PCDHA10: variants seen among roughly 807,000 people sequenced by gnomAD.
The protein encoded by PCDHA10 is protocadherin alpha-10.
A neutral mutation model predicts 61.2 loss-of-function variants in PCDHA10; 45 were observed. The observed-to-expected ratio is 0.74, with a 90% CI of 0.58 to 0.94. PCDHA10 has a LOEUF of 0.94. Ranked by LOEUF, PCDHA10 falls within the 40% of genes least tolerant of loss-of-function variation. PCDHA10 has a pLI of 0.00. For missense variants in PCDHA10, 1,278 were observed against 1,236.2 expected (o/e 1.03, Z -0.51); for synonymous variants, 602 against 548.8 (o/e 1.10, Z -1.35).
Position 141,010,029 on chromosome 5 carries a change from A to G in PCDHA10, c.*92A>G, listed in dbSNP as rs2098415771. 1.1e-5 allele frequency: 17 copies of G among 1,580,452 alleles called. No individual in the cohort carries two copies. In the Admixed American group the frequency reaches 3.1e-4, roughly 29 times the overall value. On this transcript the variant is annotated 3_prime_UTR_variant, in exon 4 of 4. Coordinates refer to ENST00000307360, the MANE Select transcript of PCDHA10 (RefSeq NM_018901.4). ...AATTCCCTGCTCCTTTTTCCTATCT[A>G]CATGAGCCCTCTTAGAGACCTCAGA...
At chr5:140,880,403 T>C (rs1474959731) in intron 1 of PCDHA10, among the ~76,000 whole-genome samples, 1 of 152,186 alleles carries the variant, frequency 6.6e-6, no homozygotes, top group Non-Finnish European at 1.5e-5. Flanking sequence ...GAGCATATGG[T>C]TGACCTTAAA....
At chr5:140,898,471 C>G (rs1421437999) in intron 1 of PCDHA10, among the ~76,000 whole-genome samples, 1 of 152,108 alleles carries the variant, frequency 6.6e-6, no homozygotes, top group African/African-American at 2.4e-5. Flanking sequence ...GCTTGTTTTT[C>G]TCAGGTTTGT....
chr5:140,858,366 G>C lies in PCDHA10; in HGVS notation c.2318G>C (p.Ser773Thr). The part of the protein sequence containing the change: ...PKADLMAFSP[S>T]LPPCPMVDVD... ...GCGGACCTCATGGCCTTCAGCCCCA[G>C]CCTTCCACCATGCCCAATGGTAGAT... The change falls in exon 1 of 4, where the codon AGC becomes ACC. Residue 773 changes from serine to threonine, a missense_variant. Ser to Thr is a moderately conservative substitution (Grantham distance 58). Transcript: ENST00000307360. 1 of 1,590,950 alleles carries C rather than the reference G, an allele frequency of 6.3e-7. No individual in the cohort carries two copies. Among genetic ancestry groups the C allele is most frequent in the Admixed American group, 1.7e-5 (1 of 58,010 alleles).
rs542536806 is a variant in PCDHA10, at chr5:140,896,054, G to T, written c.2388+37618G>T. Among the ~76,000 whole-genome samples the T allele has an allele frequency of 4.6e-5, 7 of 151,966 alleles. 1 individual carries two copies. In the East Asian group the frequency reaches 1.4e-3, roughly 30 times the overall value. On this transcript the variant is annotated intron_variant, in intron 1 of 3. Transcript: ENST00000307360. ...TCGAACTCCTGACCTCAGGTGATCC[G>T]CCTGCCTCGGCCTCCCAACATGCTG...
At chr5:140,919,823 T>C (rs1554199267) in intron 1 of PCDHA10, among the ~76,000 whole-genome samples, 1 of 152,222 alleles carries the variant, frequency 6.6e-6, no homozygotes, top group Non-Finnish European at 1.5e-5. Flanking sequence ...AAAATATATG[T>C]CCACATAGTA....
Position 140,922,401 on chromosome 5 carries a change from A to T in PCDHA10, c.2389-56548A>T, listed in dbSNP as rs1290862669. On this transcript the variant is annotated intron_variant, in intron 1 of 3. Transcript: ENST00000307360. ...AACCAAAGACTCCTTGTTTTGGATT[A>T]AAAAGATCTAGGTACAGAGGCTGAG... 2.6e-5 allele frequency among the ~76,000 whole-genome samples: 4 copies of T among 152,234 alleles called. No individual in the cohort carries two copies. In the East Asian group the frequency reaches 7.7e-4, roughly 29 times the overall value.
chr5:141,008,022 T>C (rs1355928123), intron 3 of PCDHA10, among the ~76,000 whole-genome samples: 3 of 152,226 alleles, frequency 2.0e-5, no homozygotes, highest in Non-Finnish European at 4.4e-5. Context: ...TCCTTTTTTT[T>C]CTTGTTAATC....
chr5:141,007,679 T>A (rs1362984196), intron 3 of PCDHA10, among the ~76,000 whole-genome samples: 2 of 152,186 alleles, frequency 1.3e-5, no homozygotes, highest in Admixed American at 6.5e-5. Context: ...ACAAAAGTTA[T>A]CCTACTTCCA....
chr5:140,967,800 TGGCA>T, intron 1 of PCDHA10: 1 of 1,614,174 alleles, frequency 6.2e-7, no homozygotes, highest in Non-Finnish European at 8.5e-7. Context: ...CCAGTGCCCA[TGGCA>T]GGTCACTGCA....
intron 1 of PCDHA10, chr5:140,870,154 G>T (rs1243170344): frequency 6.2e-7 from 1 of 1,614,130 alleles, no homozygotes; most frequent in African/African-American, 1.3e-5. Flanking sequence ...TGAAGTCGCC[G>T]TGACTTCCTT....
At chr5:141,006,108 T>G (rs1268824828) in intron 3 of PCDHA10, among the ~76,000 whole-genome samples, 3 of 151,864 alleles carry the variant, frequency 2.0e-5, no homozygotes, top group Non-Finnish European at 4.4e-5. Flanking sequence ...GTAAGGAGTT[T>G]TTTTTTTTTT....
intron 1 of PCDHA10, chr5:140,876,257 T>A (rs781806447): frequency 6.2e-7 from 1 of 1,614,000 alleles, no homozygotes; most frequent in Non-Finnish European, 8.5e-7. Context: ...ACAAGAGTGA[T>A]CCAACTAAAT....
At chr5:140,870,794 T>C in intron 1 of PCDHA10, 2 of 1,613,684 alleles carry the variant, frequency 1.2e-6, no homozygotes, top group South Asian at 2.2e-5. Context: ...GCGCCGGCAC[T>C]GCTGGCGACT....
At chr5:140,864,945 C>G (rs2048665503) in intron 1 of PCDHA10, 1 of 152,120 alleles carries the variant, frequency 6.6e-6, no homozygotes, top group Non-Finnish European at 1.5e-5. Flanking sequence ...GGCCTGTAAT[C>G]CCAGCATTTT....
chr5:140,873,225 A>G (rs1476513279), intron 1 of PCDHA10, among the ~76,000 whole-genome samples: 2 of 152,224 alleles, frequency 1.3e-5, no homozygotes, highest in African/African-American at 2.4e-5. Context: ...AGAGAAGGCA[A>G]CAATATAAAA....
At chr5:140,968,190 C>A (rs782155295) in intron 1 of PCDHA10, 2 of 1,613,954 alleles carry the variant, frequency 1.2e-6, no homozygotes, top group African/African-American at 2.7e-5. Flanking sequence ...GACTCCTATT[C>A]CATCTACATA....
chr5:140,886,815 A>G (rs1251237856), intron 1 of PCDHA10, among the ~76,000 whole-genome samples: 1 of 149,622 alleles, frequency 6.7e-6, no homozygotes, highest in African/African-American at 2.5e-5. Context: ...TGACAGAGCA[A>G]GACTTCGTCT....
intron 3 of PCDHA10, among the ~76,000 whole-genome samples, chr5:141,003,556 A>G (rs1183434751): frequency 6.6e-6 from 1 of 152,034 alleles, no homozygotes; most frequent in Non-Finnish European, 1.5e-5. Flanking sequence ...CAAGTGATCC[A>G]CCTGCCTCAG....
intron 2 of PCDHA10, among the ~76,000 whole-genome samples, chr5:140,979,920 C>T (rs1554241253): frequency 6.6e-6 from 1 of 152,206 alleles, no homozygotes; most frequent in Non-Finnish European, 1.5e-5. Flanking sequence ...AAGAGAAAGC[C>T]TACAAAGTAT....
Sources: allele counts gnomAD v4.1 joint callset (sites outside exome capture counted in the v4.1 genomes callset), GRCh38; gene constraint gnomAD v4.1.1; transcripts MANE v1.5; gene names NCBI Gene and HGNC (gene_info 2026-07-23, HGNC 2026-07-21).